The following ZNF385D variants were observed in gnomAD, a reference collection of about 807,000 sequenced individuals.
ZNF385D encodes zinc finger protein 659.
Under a neutral mutation model 35.8 loss-of-function variants are expected in ZNF385D, and 15 were observed. The ratio of observed to expected loss-of-function variants is 0.42; its 90% CI spans 0.28 to 0.64. ZNF385D has a LOEUF of 0.64. Among genes scored for constraint, ZNF385D ranks in the 30% least tolerant of loss-of-function variants. The pLI, the probability that ZNF385D is intolerant of heterozygous loss-of-function variation, is 0.23. For missense variants in ZNF385D, 474 were observed against 494.6 expected, an observed-to-expected ratio of 0.96 and a Z score of 0.39; for synonymous variants, 212 against 186.8, an observed-to-expected ratio of 1.13 and a Z score of -1.10.
chr3:21,755,343 C>T (rs549315064), upstream of ZNF385D, among the ~76,000 whole-genome samples: 106 of 152,288 alleles, frequency 7.0e-4, 1 homozygote, highest in African/African-American at 2.5e-3. Context: ...TTCACTGTTT[C>T]CGTATTTTAT....
At chr3:22,233,765 C>T (rs1243548880) in intron 2 of ZNF385D, among the ~76,000 whole-genome samples, 1 of 151,986 alleles carries the variant, frequency 6.6e-6, no homozygotes, top group Non-Finnish European at 1.5e-5. Flanking sequence ...GGTTTAATTA[C>T]CCACCTACTT....
intron 2 of ZNF385D, 114 bp downstream of exon 2, chr3:21,664,772 A>G: frequency 2.1e-6 from 3 of 1,411,092 alleles, no homozygotes; most frequent in South Asian, 2.4e-5. Context: ...TTCTAGACAA[A>G]CCATGCAATG....
At chr3:22,085,515 G>A (rs994424277) in intron 3 of ZNF385D, among the ~76,000 whole-genome samples, 8 of 152,216 alleles carry the variant, frequency 5.3e-5, no homozygotes, top group African/African-American at 1.9e-4. Context: ...ACCCTCCCAA[G>A]ACTAAACCAG....
chr3:22,077,950 T>C (rs1428894130), intron 3 of ZNF385D, among the ~76,000 whole-genome samples: 2 of 152,010 alleles, frequency 1.3e-5, no homozygotes, highest in African/African-American at 2.4e-5. Flanking sequence ...TCTGCACTGA[T>C]GGCTGACAAC....
intron 3 of ZNF385D, among the ~76,000 whole-genome samples, chr3:21,828,250 T>C (rs997797368): frequency 6.6e-6 from 1 of 152,202 alleles, no homozygotes; most frequent in Admixed American, 6.5e-5. Context: ...AAGTTCGTGG[T>C]CATGTAGTCA....
chr3:21,909,078 TA>T, intron 3 of ZNF385D, among the ~76,000 whole-genome samples: 1 of 152,170 alleles, frequency 6.6e-6, no homozygotes, highest in Non-Finnish European at 1.5e-5. Flanking sequence ...AACAACAAGT[TA>T]AACGTTCATT....
chr3:21,471,751 A>C (rs1703911643), intron 4 of ZNF385D, among the ~76,000 whole-genome samples: 1 of 152,106 alleles, frequency 6.6e-6, no homozygotes, highest in African/African-American at 2.4e-5. Context: ...GTTTTGATAC[A>C]TTTGGGAAAA....
At chr3:21,887,087 CT>C (rs1353812768) in intron 3 of ZNF385D, among the ~76,000 whole-genome samples, 1 of 152,096 alleles carries the variant, frequency 6.6e-6, no homozygotes, top group African/African-American at 2.4e-5. Flanking sequence ...ATGCTTCCCA[CT>C]AGGAGATAAA....
rs1307557912 is a variant in ZNF385D at position 21,425,786 on chromosome 3, C to T, written c.674-116G>A. ...TAGTATATACCTTTAAGAAACAGTACAATAACAAAATCTGATGCCTCATTT... is the reference window on the plus strand; with the variant it reads ...TAGTATATACCTTTAAGAAACAGTATAATAACAAAATCTGATGCCTCATTT... On this transcript the variant is annotated intron_variant, in intron 5 of 7. Transcript: ENST00000281523. 3 of 908,722 alleles carry T rather than the reference C, an allele frequency of 3.3e-6. No homozygotes were observed. In the African/African-American group the frequency reaches 5.1e-5, roughly 16 times the overall value. The allele number at this position is 908,722 out of a possible 1,614,324, so 56.3% of individuals were successfully genotyped here.
chr3:21,486,211 TA>T (rs2125393126), intron 4 of ZNF385D, among the ~76,000 whole-genome samples: 1 of 140,876 alleles, frequency 7.1e-6, no homozygotes, highest in African/African-American at 2.7e-5. Flanking sequence ...GCTCAGTGAA[TA>T]ATGAGGCTAA....
At chr3:22,166,256 T>C (rs1706321302) in intron 3 of ZNF385D, among the ~76,000 whole-genome samples, 1 of 134,508 alleles carries the variant, frequency 7.4e-6, no homozygotes, top group Non-Finnish European at 1.7e-5. Flanking sequence ...TTAAAACGTC[T>C]TGGGGAAAAA....
At chr3:21,802,214 T>TA (rs767679532) in intron 3 of ZNF385D, among the ~76,000 whole-genome samples, 1 of 152,202 alleles carries the variant, frequency 6.6e-6, no homozygotes, top group African/African-American at 2.4e-5. Context: ...TCTAAGATCT[T>TA]ACACTTGTGA....
chr3:21,994,568 AATT>A (rs1324288482), intron 3 of ZNF385D, among the ~76,000 whole-genome samples: 12 of 151,684 alleles, frequency 7.9e-5, no homozygotes, highest in Non-Finnish European at 1.6e-4. Context: ...ATTGCTTGAG[AATT>A]ATTGTGTTCC....
intron 2 of ZNF385D, among the ~76,000 whole-genome samples, chr3:22,269,851 T>C (rs1241336890): frequency 6.6e-6 from 1 of 151,852 alleles, no homozygotes; most frequent in Non-Finnish European, 1.5e-5. Context: ...GAACCTTAAA[T>C]GGCAAATATT....
At chr3:22,139,533 C>T (rs536922640) in intron 3 of ZNF385D, among the ~76,000 whole-genome samples, 118 of 151,442 alleles carry the variant, frequency 7.8e-4, no homozygotes, top group South Asian at 1.5e-3. Flanking sequence ...CCAAACACCT[C>T]ATGTTCTCAC....
At chr3:21,474,451 A>G (rs1357357973) in intron 4 of ZNF385D, among the ~76,000 whole-genome samples, 1 of 152,150 alleles carries the variant, frequency 6.6e-6, no homozygotes, top group East Asian at 1.9e-4. Flanking sequence ...CTATCCTTTC[A>G]GGTAACATGA....
At position 22,037,161 on chromosome 3, in the gene ZNF385D, G is replaced by T. The variant is rs75990841; in HGVS notation, c.325+131656C>A. On this transcript the variant is annotated intron_variant, in intron 3 of 5. Coordinates refer to the ZNF385D transcript ENST00000494108. ...AGTCTTTGCTATTGTGAATAGTGCCGCAATAAACATACGTGTGCATGTGTC... is the reference window on the plus strand; with the variant it reads ...AGTCTTTGCTATTGTGAATAGTGCCTCAATAAACATACGTGTGCATGTGTC... Among the ~76,000 whole-genome samples, 7 of 151,624 alleles carry T rather than the reference G, an allele frequency of 4.6e-5. No individual in the cohort carries two copies. In the East Asian group the frequency reaches 1.4e-3, roughly 29 times the overall value.
At chr3:21,795,595 C>G (rs1169005542) in intron 3 of ZNF385D, among the ~76,000 whole-genome samples, 2 of 152,098 alleles carry the variant, frequency 1.3e-5, no homozygotes, top group African/African-American at 4.8e-5. Flanking sequence ...AAGATAAGCT[C>G]AAGTAATTGT....
intron 1 of ZNF385D, among the ~76,000 whole-genome samples, chr3:21,748,126 A>G (rs1052855833): frequency 1.1e-4 from 17 of 152,226 alleles, no homozygotes; most frequent in African/African-American, 3.9e-4. Context: ...CACAGGAAGT[A>G]CAAATGAACG....
Sources: allele counts gnomAD v4.1 joint callset (sites outside exome capture counted in the v4.1 genomes callset), GRCh38; gene constraint gnomAD v4.1.1; transcripts MANE v1.5; gene names NCBI Gene and HGNC (gene_info 2026-07-23, HGNC 2026-07-21).